Variants in HDAC9 observed in about 807,000 individuals in gnomAD.
HDAC9 encodes the protein MEF-2 interacting transcription repressor (MITR) protein.
A neutral mutation model predicts 139.4 loss-of-function variants in HDAC9; 41 were observed. That is an observed-to-expected ratio of 0.29 (90% CI 0.23 to 0.38). The LOEUF is 0.38. Ranked by LOEUF, HDAC9 falls within the 10% of genes least tolerant of loss-of-function variation. The pLI, the probability that HDAC9 is intolerant of heterozygous loss-of-function variation, is 1.00. For missense variants in HDAC9, 1,147 were observed against 1,297.0 expected, an observed-to-expected ratio of 0.88 and a Z score of 1.78; for synonymous variants, 517 against 476.2, an observed-to-expected ratio of 1.09 and a Z score of -1.12.
At chr7:18,940,227 T>A (rs1451195695) in intron 23 of HDAC9, among the ~76,000 whole-genome samples, 2 of 152,176 alleles carry the variant, frequency 1.3e-5, no homozygotes, top group East Asian at 3.9e-4. Context: ...GTTATCTGAG[T>A]GTTGCACCCA....
At chr7:18,760,616 A>G (rs972003502) in intron 14 of HDAC9, among the ~76,000 whole-genome samples, 4 of 152,198 alleles carry the variant, frequency 2.6e-5, no homozygotes, top group Admixed American at 1.3e-4. Context: ...AAAAACAGAG[A>G]ACTTCAATGA....
At chr7:18,394,926 T>C (rs886324327) in intron 1 of HDAC9, among the ~76,000 whole-genome samples, 1 of 152,160 alleles carries the variant, frequency 6.6e-6, no homozygotes, top group African/African-American at 2.4e-5. Flanking sequence ...TCATTTAACA[T>C]AATTTAACAA....
chr7:18,432,905 C>T (rs533257536), intron 1 of HDAC9, among the ~76,000 whole-genome samples: 4 of 150,532 alleles, frequency 2.7e-5, no homozygotes, highest in East Asian at 4.0e-4. Context: ...GAGCCGAGAT[C>T]GCGCCACTGC....
intron 22 of HDAC9, among the ~76,000 whole-genome samples, chr7:18,879,552 G>A: frequency 6.6e-6 from 1 of 152,060 alleles, no homozygotes. Context: ...CCAGAAACAA[G>A]CAATGGGGAG....
chr7:18,292,321 C>T (rs184093949), intron 1 of HDAC9, among the ~76,000 whole-genome samples: 28 of 152,250 alleles, frequency 1.8e-4, no homozygotes, highest in Non-Finnish European at 1.8e-4. Flanking sequence ...CCAAGTCTGT[C>T]TGACTTCTTA....
Position 18,194,782 on chromosome 7 carries a change from C to T in HDAC9, c.25+32433C>T, listed in dbSNP as rs1362319265. Among the ~76,000 whole-genome samples the T allele has an allele frequency of 2.0e-5, 3 of 152,222 alleles. No homozygotes were observed. In the East Asian group the frequency reaches 5.8e-4, roughly 29 times the overall value. On this transcript the variant is annotated intron_variant, in intron 2 of 12. Transcript: ENST00000417496. ...TTTTGTTTAGTCTTTATAGTTCTTC[C>T]ACTTGTTATTTAATCTACTGGTGTT...
chr7:18,208,717 GA>G (rs1371973809), intron 2 of HDAC9, among the ~76,000 whole-genome samples: 1 of 151,708 alleles, frequency 6.6e-6, no homozygotes, highest in African/African-American at 2.4e-5. Context: ...TCATTGATAA[GA>G]TATAGAAAAA....
At chr7:18,722,166 G>A (rs1785195095) in intron 12 of HDAC9, among the ~76,000 whole-genome samples, 1 of 152,100 alleles carries the variant, frequency 6.6e-6, no homozygotes, top group South Asian at 2.1e-4. Flanking sequence ...GTATTTTCCA[G>A]AATGACCATC....
At chr7:18,315,921 C>A (rs1799608638) in intron 1 of HDAC9, among the ~76,000 whole-genome samples, 1 of 152,162 alleles carries the variant, frequency 6.6e-6, no homozygotes, top group Non-Finnish European at 1.5e-5. Context: ...TTGTCTTTTT[C>A]TATTTATGTG....
At chr7:18,113,508 T>C (rs891544106) in intron 1 of HDAC9, among the ~76,000 whole-genome samples, 1 of 152,230 alleles carries the variant, frequency 6.6e-6, no homozygotes, top group African/African-American at 2.4e-5. Context: ...TAATTTGAGG[T>C]TGACTAAACT....
At chr7:18,613,268 G>C (rs1837671886) in intron 6 of HDAC9, among the ~76,000 whole-genome samples, 2 of 151,826 alleles carry the variant, frequency 1.3e-5, no homozygotes, top group African/African-American at 2.4e-5. Context: ...TCTAATTCAA[G>C]CTGTTCCAAA....
chr7:18,979,509 A>AAGAACTTATT (rs1451698019), intron 25 of HDAC9, among the ~76,000 whole-genome samples: 1 of 152,186 alleles, frequency 6.6e-6, no homozygotes, highest in African/African-American at 2.4e-5. Context: ...TTAGGTAACT[A>AAGAACTTATT]AGAACTTATT....
rs142710661 is a variant in HDAC9 at position 18,388,262 on chromosome 7, C to T, written c.-42+97747C>T. On this transcript the variant is annotated intron_variant, in intron 1 of 3. Coordinates refer to the HDAC9 transcript ENST00000413509. Reference sequence around the variant, plus strand: ...TTATTTATGTTCCCAGTACCCCTGCCATGACTCCCTGAGAGGTTCTCCCTT... The same window carrying T: ...TTATTTATGTTCCCAGTACCCCTGCTATGACTCCCTGAGAGGTTCTCCCTT... 7.0e-4 allele frequency among the ~76,000 whole-genome samples: 106 copies of T among 152,264 alleles called. 1 individual carries two copies. Among genetic ancestry groups the T allele is most frequent in the African/African-American group, 2.5e-3 (103 of 41,544 alleles).
intron 2 of HDAC9, among the ~76,000 whole-genome samples, chr7:18,216,509 G>T (rs900458703): frequency 6.6e-6 from 1 of 152,216 alleles, no homozygotes; most frequent in South Asian, 2.1e-4. Flanking sequence ...GTAAGTTAAA[G>T]ATAGGGAATC....
chr7:18,666,891 A>G, intron 12 of HDAC9: 1 of 1,000,710 alleles, frequency 1.0e-6, no homozygotes, highest in Non-Finnish European at 1.2e-6. Flanking sequence ...TCAATGAAGC[A>G]TTCGATTAGT....
intron 6 of HDAC9, among the ~76,000 whole-genome samples, chr7:18,607,392 G>C (rs1835818374): frequency 6.6e-6 from 1 of 152,214 alleles, no homozygotes; most frequent in Non-Finnish European, 1.5e-5. Context: ...TTTGATGAGA[G>C]CTGTGTGACC....
At chr7:18,288,245 A>G (rs149290970), upstream of HDAC9, among the ~76,000 whole-genome samples, 180 of 152,344 alleles carry the variant, frequency 1.2e-3, 1 homozygote, top group African/African-American at 4.2e-3. Context: ...AACATTTTTT[A>G]TGAATAAGAA....
intron 17 of HDAC9, among the ~76,000 whole-genome samples, chr7:18,806,221 A>G (rs897928215): frequency 6.6e-6 from 1 of 152,186 alleles, no homozygotes; most frequent in Non-Finnish European, 1.5e-5. Context: ...TTAACTTTCT[A>G]TTGCTGCTAT....
At chr7:18,453,142 G>T (rs1379158129) in intron 1 of HDAC9, among the ~76,000 whole-genome samples, 2 of 152,060 alleles carry the variant, frequency 1.3e-5, no homozygotes, top group African/African-American at 4.8e-5. Context: ...TGTAGTTAGG[G>T]TAAAAATTGC....
Sources: allele counts gnomAD v4.1 joint callset (sites outside exome capture counted in the v4.1 genomes callset), GRCh38; gene constraint gnomAD v4.1.1; transcripts MANE v1.5; gene names NCBI Gene and HGNC (gene_info 2026-07-23, HGNC 2026-07-21).